PHACTR3: variants seen among roughly 807,000 people sequenced by gnomAD.
PHACTR3 encodes the protein protein phosphatase 1, regulatory subunit 123.
Under a neutral mutation model 66.8 loss-of-function variants are expected in PHACTR3, and 16 were observed. The ratio of observed to expected loss-of-function variants is 0.24; its 90% CI spans 0.16 to 0.36. The LOEUF (loss-of-function observed/expected upper bound fraction) is 0.36. Ranked by LOEUF, PHACTR3 falls within the 10% of genes least tolerant of loss-of-function variation. The pLI is 1.00. For missense variants in PHACTR3, 647 were observed against 719.9 expected, an observed-to-expected ratio of 0.90 and a Z score of 1.16; for synonymous variants, 323 against 292.1, an observed-to-expected ratio of 1.11 and a Z score of -1.08.
chr20:59,828,722 A>G (rs1209923732), intron 8 of PHACTR3, among the ~76,000 whole-genome samples: 1 of 151,954 alleles, frequency 6.6e-6, no homozygotes, highest in African/African-American at 2.4e-5. Flanking sequence ...GGGTGGGAGT[A>G]GGAGGGGCTG....
intron 1 of PHACTR3, among the ~76,000 whole-genome samples, chr20:59,645,017 C>T (rs115462291): frequency 0.012 from 1,823 of 152,056 alleles, 30 homozygotes; most frequent in African/African-American, 0.041. Flanking sequence ...CCCCCTCCTT[C>T]GCTCCCTCCC....
Position 59,736,529 on chromosome 20 carries a change from C to T in PHACTR3, c.119-6578C>T, listed in dbSNP as rs1176214414. 2.6e-5 allele frequency among the ~76,000 whole-genome samples: 4 copies of T among 151,972 alleles called. No individual in the cohort carries two copies. The highest frequency in any genetic ancestry group is 3.4e-3 in the Middle Eastern group (1 of 294). On this transcript the variant is annotated intron_variant, in intron 1 of 12. Coordinates refer to ENST00000371015, the MANE Select transcript of PHACTR3 (RefSeq NM_080672.5). The surrounding 1 kb of genome is among the most constrained non-coding windows in gnomAD (Gnocchi z 4.6). Reference sequence around the variant, plus strand: ...CACACTGGCTCCGCAGGTGCTCACCCGCCCACCCGTGTAGGTGCACACCCA... The same window carrying T: ...CACACTGGCTCCGCAGGTGCTCACCTGCCCACCCGTGTAGGTGCACACCCA...
In PHACTR3 at chr20:59,604,597, TGGGGG is replaced by T. The variant is rs1198028502; in HGVS notation, c.-416_-412del. ...CCTTTTCCCTTTTTTCCTGGGGGGG[TGGGGG>T]GTGGGGTGGGGGGAGGGAGCGCCCC... On this transcript the variant is annotated 5_prime_UTR_variant, in exon 1 of 13. Coordinates refer to ENST00000371015, the MANE Select transcript of PHACTR3 (RefSeq NM_080672.5). The T allele has an allele frequency of 5.3e-4, 55 of 103,124 alleles. No individual in the cohort carries two copies. Among genetic ancestry groups the T allele is most frequent in the Non-Finnish European group, 6.0e-4 (54 of 90,544 alleles). The allele number at this position is 103,124 out of a possible 1,614,324, so 6.4% of individuals were successfully genotyped here. A position where few individuals can be genotyped will look rare whatever the true frequency, so the allele number is the denominator to read the frequency against.
chr20:59,649,711 T>C (rs2035397955), intron 1 of PHACTR3, among the ~76,000 whole-genome samples: 2 of 152,198 alleles, frequency 1.3e-5, no homozygotes, highest in Non-Finnish European at 1.5e-5. Context: ...GTATTTTCTG[T>C]AGTTTAAAAG....
chr20:59,755,115 C>T, intron 3 of PHACTR3, 67 bp from the exon 4 acceptor site: 2 of 1,513,900 alleles, frequency 1.3e-6, no homozygotes, highest in South Asian at 1.2e-5. Context: ...CAGAAAGACT[C>T]TTGGGACGAC....
chr20:59,694,897 G>T (rs1568719935), intron 1 of PHACTR3, among the ~76,000 whole-genome samples: 1 of 152,140 alleles, frequency 6.6e-6, no homozygotes. Context: ...CCCAATGATT[G>T]CCGGGTGCTA....
intron 1 of PHACTR3, among the ~76,000 whole-genome samples, chr20:59,670,605 T>TTGG (rs34824435): frequency 0.043 from 2,034 of 47,052 alleles, 128 homozygotes; most frequent in Admixed American, 0.084. Flanking sequence ...CTGCCGGGGG[T>TTGG]GGGGGGGGGG....
chr20:59,639,402 A>G (rs549141217), intron 1 of PHACTR3, among the ~76,000 whole-genome samples: 2 of 152,260 alleles, frequency 1.3e-5, no homozygotes, highest in South Asian at 2.1e-4. Flanking sequence ...CCTCACAGCA[A>G]TGCTCTGGTT....
chr20:59,746,704 C>G (rs1365345651), intron 2 of PHACTR3, among the ~76,000 whole-genome samples: 1 of 152,212 alleles, frequency 6.6e-6, no homozygotes, highest in Non-Finnish European at 1.5e-5. Context: ...TGTCTGTTCC[C>G]CGGCAGCTGG....
At chr20:59,766,352 C>T (rs181781111) in intron 4 of PHACTR3, among the ~76,000 whole-genome samples, 36 of 152,308 alleles carry the variant, frequency 2.4e-4, no homozygotes, top group African/African-American at 8.2e-4. Context: ...GCAGCTTAAT[C>T]CCCAGATGAA....
At chr20:59,789,875 C>G (rs2041035347) in intron 7 of PHACTR3, among the ~76,000 whole-genome samples, 1 of 152,176 alleles carries the variant, frequency 6.6e-6, no homozygotes, top group Non-Finnish European at 1.5e-5. Flanking sequence ...ATTCATGCAG[C>G]CTGAACCCAG....
chr20:59,819,596 C>A (rs572792190), intron 8 of PHACTR3, among the ~76,000 whole-genome samples: 2 of 152,104 alleles, frequency 1.3e-5, no homozygotes, highest in African/African-American at 4.8e-5. Context: ...CGGGACCCTG[C>A]AGATCCCACA....
At chr20:59,790,912 G>C (rs549748382) in intron 7 of PHACTR3, among the ~76,000 whole-genome samples, 1 of 152,306 alleles carries the variant, frequency 6.6e-6, no homozygotes, top group South Asian at 2.1e-4. Flanking sequence ...CTGAGGAAGA[G>C]AACATAGTTC....
At chr20:59,709,847 C>G (rs2146641187) in intron 1 of PHACTR3, among the ~76,000 whole-genome samples, 1 of 152,198 alleles carries the variant, frequency 6.6e-6, no homozygotes, top group African/African-American at 2.4e-5. Flanking sequence ...TCTGCTGAGT[C>G]AGAGTCTCGG....
intron 2 of PHACTR3, 60 bp from the exon 3 acceptor site, chr20:59,747,698 T>C: frequency 1.3e-6 from 2 of 1,579,628 alleles, no homozygotes; most frequent in Non-Finnish European, 1.7e-6. Context: ...GGCTGTGGCT[T>C]GGACAGGGCC....
intron 1 of PHACTR3, among the ~76,000 whole-genome samples, chr20:59,718,151 C>T (rs1332484798): frequency 6.6e-6 from 1 of 152,210 alleles, no homozygotes; most frequent in Non-Finnish European, 1.5e-5. Context: ...ATGGCTCCCC[C>T]AGGCCTGAGT....
At chr20:59,694,947 A>G (rs990440185) in intron 1 of PHACTR3, among the ~76,000 whole-genome samples, 1 of 152,094 alleles carries the variant, frequency 6.6e-6, no homozygotes, top group East Asian at 1.9e-4. Context: ...TTTGAGCAGC[A>G]ATTGGCCAGG....
intron 3 of PHACTR3, among the ~76,000 whole-genome samples, chr20:59,753,229 G>A (rs1416094712): frequency 2.0e-5 from 3 of 152,112 alleles, no homozygotes; most frequent in Non-Finnish European, 2.9e-5. Context: ...GGCCATCTGC[G>A]CCTTATGGGA....
chr20:59,615,837 CT>C (rs2034007121), intron 1 of PHACTR3, among the ~76,000 whole-genome samples: 1 of 152,166 alleles, frequency 6.6e-6, no homozygotes, highest in South Asian at 2.1e-4. Flanking sequence ...CACTTGACCC[CT>C]TTGGTTGGGG....
Sources: gnomAD v4.1 joint callset for allele counts (sites outside exome capture counted in the v4.1 genomes callset) on GRCh38, gnomAD v4.1.1 for gene constraint, Gnocchi (gnomAD v3.1) non-coding constraint, MANE v1.5 for transcripts, NCBI Gene and HGNC (gene_info 2026-07-23, HGNC 2026-07-21) for gene names.